CSGALNACT1: variants seen among roughly 807,000 people sequenced by gnomAD.
CSGALNACT1 encodes the protein chondroitin sulfate N-acetylgalactosaminyltransferase 1.
A neutral mutation model predicts 51.0 loss-of-function variants in CSGALNACT1; 52 were observed. The ratio of observed to expected loss-of-function variants is 1.02; its 90% confidence interval spans 0.82 to 1.29. The LOEUF is 1.29. Among genes scored for constraint, CSGALNACT1 ranks in the 50% most tolerant of loss-of-function variants. The pLI, the probability that CSGALNACT1 is intolerant of heterozygous loss-of-function variation, is 0.00. For missense variants in CSGALNACT1, 935 were observed against 679.2 expected, an observed-to-expected ratio of 1.38 and a Z score of -4.19; for synonymous variants, 341 against 254.4, an observed-to-expected ratio of 1.34 and a Z score of -3.24.
chr8:19,459,455 T>C (rs1024451676), intron 4 of CSGALNACT1, among the ~76,000 whole-genome samples: 4 of 151,826 alleles, frequency 2.6e-5, no homozygotes, highest in East Asian at 1.9e-4. Flanking sequence ...AGTAATCTAT[T>C]TGGGACCCCT....
chr8:19,418,574 C>G, intron 8 of CSGALNACT1, 82 bp downstream of exon 7: 3 of 905,770 alleles, frequency 3.3e-6, no homozygotes, highest in Non-Finnish European at 5.5e-6. Context: ...TTTCTACTCA[C>G]CTTTGCTCAT....
At chr8:19,735,327 T>G (rs1349315032) in intron 1 of CSGALNACT1, among the ~76,000 whole-genome samples, 1 of 152,138 alleles carries the variant, frequency 6.6e-6, no homozygotes, top group Non-Finnish European at 1.5e-5. Flanking sequence ...TGAAACACCT[T>G]GGAATGACAG....
At chr8:19,541,088 ATT>A (rs5889873) in intron 3 of CSGALNACT1, among the ~76,000 whole-genome samples, 3 of 148,080 alleles carry the variant, frequency 2.0e-5, no homozygotes, top group Admixed American at 6.7e-5. Flanking sequence ...CTGGGTGATA[ATT>A]TTTTTTTTTA....
At chr8:19,666,511 T>C (rs2059183533) in intron 1 of CSGALNACT1, among the ~76,000 whole-genome samples, 1 of 151,838 alleles carries the variant, frequency 6.6e-6, no homozygotes, top group East Asian at 2.0e-4. Context: ...CTGGCCATCA[T>C]GATGAAACCC....
At chr8:19,658,882 A>G (rs550799990) in intron 1 of CSGALNACT1, among the ~76,000 whole-genome samples, 20 of 152,256 alleles carry the variant, frequency 1.3e-4, no homozygotes, top group African/African-American at 4.6e-4. Context: ...ATCTTCCAAC[A>G]CTTATCTGGT....
intron 5 of CSGALNACT1, among the ~76,000 whole-genome samples, chr8:19,441,842 G>C (rs1315655943): frequency 6.6e-6 from 1 of 151,962 alleles, no homozygotes. Context: ...CTAATATCCA[G>C]AATCTACAAT....
chr8:19,414,599 AC>A (rs2056519823), intron 8 of CSGALNACT1, among the ~76,000 whole-genome samples: 1 of 125,984 alleles, frequency 7.9e-6, no homozygotes, highest in Non-Finnish European at 1.8e-5. Flanking sequence ...ACACATACAC[AC>A]ACACACACAC....
chr8:19,646,286 A>G (rs573276026), intron 1 of CSGALNACT1, among the ~76,000 whole-genome samples: 1 of 152,362 alleles, frequency 6.6e-6, no homozygotes, highest in African/African-American at 2.4e-5. Context: ...CGAGAGAGAA[A>G]GAGACAAAGC....
rs1451701426 is a variant in CSGALNACT1 at position 19,610,687 on chromosome 8, C to T, written c.-543-8822G>A. On this transcript the variant is annotated intron_variant, in intron 1 of 9. Transcript: ENST00000332246. ...AGTGGCCCAGCTCCCGAGGAAAGCC[C>T]TCCCACTCTACCCACTTCTGACTTT... Among the ~76,000 whole-genome samples the T allele has an allele frequency of 2.6e-5, 4 of 152,328 alleles. No individual in the cohort carries two copies. In the East Asian group the frequency reaches 7.7e-4, roughly 29 times the overall value.
chr8:19,550,874 C>T (rs4922059), intron 3 of CSGALNACT1, among the ~76,000 whole-genome samples: 40,845 of 152,064 alleles, frequency 0.27, 5,723 homozygotes, highest in African/African-American at 0.37. Flanking sequence ...CTCTAGCATG[C>T]TTTACCCCTA....
intron 3 of CSGALNACT1, among the ~76,000 whole-genome samples, chr8:19,563,534 C>T (rs6984423): frequency 0.013 from 2,044 of 152,310 alleles, 44 homozygotes; most frequent in South Asian, 0.058. Flanking sequence ...AGTGCCCACC[C>T]ATTGCCTCCA....
intron 1 of CSGALNACT1, among the ~76,000 whole-genome samples, chr8:19,667,013 AAGAAAGGAAGGAAGG>A (rs2059381372): frequency 4.9e-5 from 2 of 40,584 alleles, no homozygotes; most frequent in African/African-American, 3.0e-4. Flanking sequence ...GAAAGAAAGA[AAGAAAGGAAGGAAGG>A]AAGGAAGGAA....
intron 3 of CSGALNACT1, among the ~76,000 whole-genome samples, chr8:19,514,848 A>T (rs1344723835): frequency 6.6e-6 from 1 of 152,072 alleles, no homozygotes; most frequent in African/African-American, 2.4e-5. Context: ...GAAAATAAAA[A>T]TAAAATATTA....
intron 6 of CSGALNACT1, among the ~76,000 whole-genome samples, chr8:19,435,512 T>C (rs1048165320): frequency 1.3e-5 from 2 of 150,210 alleles, no homozygotes; most frequent in African/African-American, 4.9e-5. Context: ...AAAAAATTCC[T>C]ATTACATAGC....
chr8:19,503,561 C>A (rs2076780880), intron 4 of CSGALNACT1, among the ~76,000 whole-genome samples: 2 of 151,918 alleles, frequency 1.3e-5, no homozygotes, highest in South Asian at 2.1e-4. Flanking sequence ...GGGAGAGTGA[C>A]AACCAGGATT....
At chr8:19,416,059 T>C (rs755796584) in intron 8 of CSGALNACT1, among the ~76,000 whole-genome samples, 1 of 151,750 alleles carries the variant, frequency 6.6e-6, no homozygotes, top group South Asian at 2.1e-4. Flanking sequence ...GCATATGAGA[T>C]GGTGATCACC....
chr8:19,598,381 T>C (rs2049441613), intron 2 of CSGALNACT1, among the ~76,000 whole-genome samples: 1 of 152,160 alleles, frequency 6.6e-6, no homozygotes. Flanking sequence ...ATTAAAAGCT[T>C]ACAGACTTTA....
chr8:19,723,774 ACT>A (rs527452108), intron 1 of CSGALNACT1, among the ~76,000 whole-genome samples: 4 of 152,064 alleles, frequency 2.6e-5, no homozygotes, highest in Non-Finnish European at 5.9e-5. Flanking sequence ...TGCTAAAAAC[ACT>A]CTGGAAAATG....
intron 3 of CSGALNACT1, among the ~76,000 whole-genome samples, chr8:19,513,338 A>C (rs1280472534): frequency 6.6e-6 from 1 of 151,164 alleles, no homozygotes; most frequent in Non-Finnish European, 1.5e-5. Flanking sequence ...CACGAAAGCC[A>C]CTATAATGAT....
Sources: allele counts gnomAD v4.1 joint callset (sites outside exome capture counted in the v4.1 genomes callset), GRCh38; gene constraint gnomAD v4.1.1; transcripts MANE v1.5; gene names NCBI Gene and HGNC (gene_info 2026-07-23, HGNC 2026-07-21).